The following CIB2 variants were observed in gnomAD, a reference collection of about 807,000 sequenced individuals.
CIB2 encodes calcium and integrin-binding family member 2.
In CIB2, 19 loss-of-function variants were observed where a neutral mutation model predicts 23.1. The ratio of observed to expected loss-of-function variants is 0.82; its 90% confidence interval spans 0.57 to 1.21. The LOEUF (loss-of-function observed/expected upper bound fraction) is 1.21, where lower values mean the gene tolerates loss of function less well. Ranked by LOEUF, CIB2 falls within the 50% of genes most tolerant of loss-of-function variation. The probability of loss-of-function intolerance (pLI) is 0.00; values close to 1 mark genes in which losing one functional copy is unlikely to be tolerated. For missense variants in CIB2, 220 were observed against 241.5 expected (o/e 0.91, Z 0.59); for synonymous variants, 94 against 91.7 (o/e 1.03, Z -0.14).
intron 2 of CIB2, among the ~76,000 whole-genome samples, chr15:78,112,267 T>C (rs1456414543): frequency 2.0e-5 from 3 of 152,144 alleles, no homozygotes; most frequent in Admixed American, 2.0e-4. Flanking sequence ...GTACAAATTG[T>C]ATTTAGATGA....
chr15:78,120,469 G>T, intron 2 of CIB2: 1 of 803,828 alleles, frequency 1.2e-6, no homozygotes. Flanking sequence ...TGGCTGGGTG[G>T]GCCTCTCTGT....
At chr15:78,110,187 T>C (rs113263809) in intron 3 of CIB2, among the ~76,000 whole-genome samples, 2,352 of 152,274 alleles carry the variant, frequency 0.015, 68 homozygotes, top group African/African-American at 0.054. Flanking sequence ...CCTTCCTAGA[T>C]CCCCAAATCA....
At position 78,131,031 on chromosome 15, in the gene CIB2, C is replaced by T. The variant is rs2074446960; in HGVS notation, c.51+134G>A. 3.2e-6 allele frequency: 2 copies of T among 620,792 alleles called. No homozygotes were observed. The highest frequency in any genetic ancestry group is 5.1e-6 in the Non-Finnish European group (2 of 391,710). 38.5% of individuals were successfully genotyped at this position (620,792 alleles called of 1,614,324 possible). A position where few individuals can be genotyped will look rare whatever the true frequency, so the allele number is the denominator to read the frequency against. ...GGGAAGTCACCGGCCCAAGGTCACGCGTCGAGCTGAAGGCAGAGGCAGGGT... is the reference window on the plus strand; with the variant it reads ...GGGAAGTCACCGGCCCAAGGTCACGTGTCGAGCTGAAGGCAGAGGCAGGGT... On this transcript the variant is annotated intron_variant, in intron 1 of 5. Transcript: ENST00000258930. The surrounding 1 kb of genome is among the most constrained non-coding windows in gnomAD (Gnocchi z 5.8).
chr15:78,116,610 A>C (rs939923461), intron 2 of CIB2, among the ~76,000 whole-genome samples: 4 of 152,218 alleles, frequency 2.6e-5, no homozygotes, highest in African/African-American at 9.6e-5. Flanking sequence ...AGATACTGAG[A>C]GAGGAATGTA....
intron 2 of CIB2, among the ~76,000 whole-genome samples, chr15:78,112,099 G>T (rs1014383187): frequency 6.6e-6 from 1 of 152,160 alleles, no homozygotes; most frequent in Admixed American, 6.5e-5. Context: ...ACCTCAACAA[G>T]CTGCATGGAC....
At chr15:78,119,980 G>A (rs1292150997) in intron 2 of CIB2, among the ~76,000 whole-genome samples, 2 of 150,640 alleles carry the variant, frequency 1.3e-5, no homozygotes, top group East Asian at 1.9e-4. Context: ...AACTCACTGC[G>A]GTCTCAACCT....
chr15:78,124,168 G>A (rs1015250774), intron 1 of CIB2, among the ~76,000 whole-genome samples: 3 of 152,144 alleles, frequency 2.0e-5, no homozygotes, highest in African/African-American at 7.2e-5. Flanking sequence ...CTGTAGCCCT[G>A]AGCATGGTGC....
chr15:78,119,375 G>T (rs2074286465), intron 2 of CIB2, among the ~76,000 whole-genome samples: 1 of 152,238 alleles, frequency 6.6e-6, no homozygotes, highest in African/African-American at 2.4e-5. Context: ...TGTGAATAAT[G>T]CTGCTATGAT....
intron 3 of CIB2, chr15:78,110,792 G>A (rs2074147466): frequency 2.2e-6 from 1 of 462,338 alleles, no homozygotes. Context: ...ATGATGCTAT[G>A]GATGACCACC....
chr15:78,112,971 T>C (rs544310964), intron 2 of CIB2, among the ~76,000 whole-genome samples: 1 of 152,348 alleles, frequency 6.6e-6, no homozygotes, highest in Non-Finnish European at 1.5e-5. Flanking sequence ...CCTGAACTAA[T>C]CTTCTCTGTG....
chr15:78,105,581 C>T (rs1248379041), intron 5 of CIB2, 158 bp downstream of exon 5: 3 of 1,499,974 alleles, frequency 2.0e-6, no homozygotes, highest in African/African-American at 2.8e-5. Flanking sequence ...GGGACAAAGG[C>T]CAGTCACACG....
chr15:78,110,171 CG>C (rs1298655819), intron 3 of CIB2, among the ~76,000 whole-genome samples: 2 of 152,258 alleles, frequency 1.3e-5, no homozygotes, highest in Non-Finnish European at 2.9e-5. Flanking sequence ...GAGCTGTACA[CG>C]GATGCCTTCC....
chr15:78,108,403 C>CA (rs2074102644), intron 4 of CIB2, among the ~76,000 whole-genome samples: 2 of 152,078 alleles, frequency 1.3e-5, no homozygotes, highest in African/African-American at 4.8e-5. Flanking sequence ...GAGGATTTGA[C>CA]ACCAGTCCCC....
intron 1 of CIB2, among the ~76,000 whole-genome samples, chr15:78,129,756 A>G (rs2074429588): frequency 6.6e-6 from 1 of 152,174 alleles, no homozygotes; most frequent in Non-Finnish European, 1.5e-5. Context: ...CCCACTCCCA[A>G]CTAAAGAAGT....
In CIB2 at chr15:78,111,237, G is replaced by C; in HGVS notation, c.126C>G (p.Val42=). ...TGGGGCTCTTCCTGTAGTCCATTGG[G>C]ACGAGGTTGGGGGCCAGCTCATAGA... The part of the protein sequence containing the change: ...SRFYELAPNL[V]PMDYRKSPIV... The change falls in exon 3 of 6, where the codon GTC becomes GTG. Residue 42 remains valine (V), a synonymous_variant. Coordinates refer to ENST00000258930, the MANE Select transcript of CIB2 (RefSeq NM_006383.4). The C allele has an allele frequency of 6.2e-7, 1 of 1,614,198 alleles. No individual in the cohort carries two copies. The highest frequency in any genetic ancestry group is 8.5e-7 in the Non-Finnish European group (1 of 1,180,036).
At chr15:78,113,256 G>A (rs1395055732) in intron 2 of CIB2, among the ~76,000 whole-genome samples, 3 of 152,232 alleles carry the variant, frequency 2.0e-5, no homozygotes, top group South Asian at 4.2e-4. Context: ...TTTGCCAGTC[G>A]CACATTCCTA....
intron 2 of CIB2, among the ~76,000 whole-genome samples, chr15:78,119,137 TAAA>T (rs77407973): frequency 7.2e-6 from 1 of 139,222 alleles, no homozygotes; most frequent in Non-Finnish European, 1.6e-5. Flanking sequence ...ACACAGACTT[TAAA>T]AAAAAAAAAA....
In CIB2 at chr15:78,105,263, C is replaced by T. The variant is rs1370790284; in HGVS notation, c.*48G>A. The T allele has an allele frequency of 1.2e-6, 2 of 1,612,628 alleles. No homozygotes were observed. Among genetic ancestry groups the T allele is most frequent in the East Asian group, 2.2e-5 (1 of 44,850 alleles). ...CTTGGAGGCCACACCCATGTGACTG[C>T]AGGGCAGGATGGTGGACTTCTAGGC... is the stretch of plus-strand genomic sequence containing the variant. On this transcript the variant is annotated 3_prime_UTR_variant, in exon 6 of 6. Transcript: ENST00000258930.
In CIB2 at chr15:78,130,643, C is replaced by T. The variant is rs61573009; in HGVS notation, c.51+522G>A. ...CGTTCTTGCTCCAGTTATCTCCATG[C>T]TGGGGTCAGAAGGAGCGAACCCCAG... On this transcript the variant is annotated intron_variant, in intron 1 of 5. Coordinates refer to ENST00000258930, the MANE Select transcript of CIB2 (RefSeq NM_006383.4). Among the ~76,000 whole-genome samples the T allele has an allele frequency of 5.1e-3, 772 of 152,262 alleles. 53 individuals are homozygous for T. The East Asian group carries it at 0.12, about 24-fold the overall frequency.
Sources: allele counts gnomAD v4.1 joint callset (sites outside exome capture counted in the v4.1 genomes callset), GRCh38; gene constraint gnomAD v4.1.1; non-coding constraint Gnocchi (gnomAD v3.1); transcripts MANE v1.5; gene names NCBI Gene and HGNC (gene_info 2026-07-23, HGNC 2026-07-21).